The following DPP10 variants were observed in gnomAD, a reference collection of about 807,000 sequenced individuals.
DPP10 encodes the protein inactive dipeptidyl peptidase 10.
Under a neutral mutation model 120.9 loss-of-function variants are expected in DPP10, and 33 were observed. That is an observed-to-expected ratio of 0.27 (90% confidence interval 0.21 to 0.37). The LOEUF (loss-of-function observed/expected upper bound fraction) is 0.37. Ranked by LOEUF, DPP10 falls within the 10% of genes least tolerant of loss-of-function variation. DPP10 has a pLI of 1.00. For synonymous variants in DPP10, 337 were observed against 326.1 expected, an observed-to-expected ratio of 1.03 and a Z score of -0.36; for missense variants, 816 against 942.8, an observed-to-expected ratio of 0.87 and a Z score of 1.76.
chr2:114,785,148 C>G (rs1002088860), intron 1 of DPP10, among the ~76,000 whole-genome samples: 1 of 152,164 alleles, frequency 6.6e-6, no homozygotes, highest in Non-Finnish European at 1.5e-5. Flanking sequence ...CATCCCTCCT[C>G]CTGTTCTATT....
chr2:115,606,058 G>T (rs1246657587), intron 5 of DPP10, among the ~76,000 whole-genome samples: 1 of 152,072 alleles, frequency 6.6e-6, no homozygotes, highest in Admixed American at 6.6e-5. Flanking sequence ...TGACCTACGA[G>T]TTAATAAAAA....
At chr2:115,293,663 T>C (rs1335531513) in intron 1 of DPP10, among the ~76,000 whole-genome samples, 1 of 152,054 alleles carries the variant, frequency 6.6e-6, no homozygotes, top group African/African-American at 2.4e-5. Flanking sequence ...TTCGTTACAG[T>C]AATGTACCCT....
At chr2:115,647,600 T>G (rs1558975029) in intron 5 of DPP10, among the ~76,000 whole-genome samples, 3 of 152,172 alleles carry the variant, frequency 2.0e-5, no homozygotes, top group African/African-American at 7.2e-5. Flanking sequence ...CTTAGTCTGT[T>G]TGTACACTAC....
At chr2:115,251,576 A>T (rs931348919) in intron 1 of DPP10, among the ~76,000 whole-genome samples, 5 of 152,196 alleles carry the variant, frequency 3.3e-5, no homozygotes, top group African/African-American at 1.2e-4. Context: ...ATAAAAGGAG[A>T]TAAAATGAGG....
At chr2:115,503,407 C>CTT (rs1303424911) in intron 4 of DPP10, among the ~76,000 whole-genome samples, 2 of 152,108 alleles carry the variant, frequency 1.3e-5, no homozygotes, top group Non-Finnish European at 1.5e-5. Flanking sequence ...AATCAAGAAA[C>CTT]TTACTATTCA....
chr2:114,517,116 T>G (rs1349663784), intron 1 of DPP10, among the ~76,000 whole-genome samples: 2 of 152,204 alleles, frequency 1.3e-5, no homozygotes, highest in East Asian at 3.8e-4. Flanking sequence ...TAGTTTCCAT[T>G]GCAGATTGAT....
intron 1 of DPP10, among the ~76,000 whole-genome samples, chr2:114,727,961 G>A (rs543000912): frequency 6.5e-4 from 99 of 152,286 alleles, no homozygotes; most frequent in African/African-American, 2.3e-3. Flanking sequence ...ATTTTGGATG[G>A]GGAAACTGAG....
chr2:115,188,823 C>T (rs749468157), intron 1 of DPP10, among the ~76,000 whole-genome samples: 5 of 151,674 alleles, frequency 3.3e-5, no homozygotes, highest in Non-Finnish European at 7.4e-5. Context: ...TTTCACAAAC[C>T]TATTGGTAAA....
At chr2:115,116,599 T>C (rs1469134128) in intron 1 of DPP10, among the ~76,000 whole-genome samples, 2 of 152,160 alleles carry the variant, frequency 1.3e-5, no homozygotes, top group East Asian at 1.9e-4. Flanking sequence ...TTCTTTATAA[T>C]AAAAATGTTA....
intron 1 of DPP10, among the ~76,000 whole-genome samples, chr2:115,254,309 A>G (rs2058880579): frequency 6.6e-6 from 1 of 152,184 alleles, no homozygotes; most frequent in Non-Finnish European, 1.5e-5. Flanking sequence ...AGATCTCATG[A>G]AAACTCACTC....
intron 1 of DPP10, among the ~76,000 whole-genome samples, chr2:114,476,205 T>C (rs1200324067): frequency 6.6e-6 from 1 of 152,218 alleles, no homozygotes; most frequent in Non-Finnish European, 1.5e-5. Context: ...TTCTAATGTG[T>C]ATTTAATGGA....
intron 4 of DPP10, among the ~76,000 whole-genome samples, chr2:115,514,977 T>C (rs2077425573): frequency 6.6e-6 from 1 of 151,922 alleles, no homozygotes; most frequent in Non-Finnish European, 1.5e-5. Context: ...TGTGTATGTG[T>C]ATATGTAAGT....
chr2:114,989,800 C>T (rs1574644585), intron 1 of DPP10, among the ~76,000 whole-genome samples: 1 of 152,156 alleles, frequency 6.6e-6, no homozygotes, highest in African/African-American at 2.4e-5. Flanking sequence ...TGCAATTGAT[C>T]TTTTCTTCCA....
intron 1 of DPP10, among the ~76,000 whole-genome samples, chr2:114,858,238 C>T (rs1304569625): frequency 1.3e-5 from 2 of 152,294 alleles, no homozygotes; most frequent in South Asian, 2.1e-4. Context: ...AATCTGCCAC[C>T]TCGGCCTCCC....
At chr2:114,795,042 C>T (rs1297684876) in intron 1 of DPP10, among the ~76,000 whole-genome samples, 2 of 152,112 alleles carry the variant, frequency 1.3e-5, no homozygotes, top group Non-Finnish European at 2.9e-5. Flanking sequence ...CTTTTACTTT[C>T]AGGGTCATGA....
At chr2:115,772,463 G>A (rs1036029424) in intron 13 of DPP10, among the ~76,000 whole-genome samples, 3 of 152,042 alleles carry the variant, frequency 2.0e-5, no homozygotes, top group Non-Finnish European at 4.4e-5. Context: ...CAAAATTTGT[G>A]AGTGTTTTCT....
intron 1 of DPP10, among the ~76,000 whole-genome samples, chr2:115,193,926 A>T (rs2055063589): frequency 6.6e-6 from 1 of 152,178 alleles, no homozygotes; most frequent in Non-Finnish European, 1.5e-5. Flanking sequence ...ATTAAATCTA[A>T]AAATGTGTGC....
Position 115,194,424 on chromosome 2 carries a change from G to T in DPP10, c.61-114815G>T, listed in dbSNP as rs76403399. Among the ~76,000 whole-genome samples, 1,146 of 152,224 alleles carry T rather than the reference G, an allele frequency of 7.5e-3. 16 individuals carry two copies. Among genetic ancestry groups the T allele is most frequent in the African/African-American group, 0.026 (1,083 of 41,550 alleles). On this transcript the variant is annotated intron_variant, in intron 1 of 25. Coordinates refer to ENST00000410059, the MANE Select transcript of DPP10 (RefSeq NM_020868.6). ...TTTCCAGCAGAGACGGGATTTCTCC[G>T]TGTTAAGGATTTTTGATAGGAAGGC...
At chr2:115,101,939 C>T (rs2048709158) in intron 1 of DPP10, among the ~76,000 whole-genome samples, 1 of 152,118 alleles carries the variant, frequency 6.6e-6, no homozygotes, top group Admixed American at 6.5e-5. Flanking sequence ...GTTACATGGT[C>T]CAGATTTCTT....
Sources: gnomAD v4.1 joint callset for allele counts (sites outside exome capture counted in the v4.1 genomes callset) on GRCh38, gnomAD v4.1.1 for gene constraint, MANE v1.5 for transcripts, NCBI Gene and HGNC (gene_info 2026-07-23, HGNC 2026-07-21) for gene names.